The following DMTF1 variants were observed in gnomAD, a reference collection of about 807,000 sequenced individuals.
DMTF1 encodes cyclin-D-binding Myb-like transcription factor 1.
In DMTF1, 39 loss-of-function variants were observed where a neutral mutation model predicts 91.1. The observed-to-expected ratio is 0.43, with a 90% CI of 0.33 to 0.56. DMTF1 has a LOEUF of 0.56. Among genes scored for constraint, DMTF1 ranks in the 20% least tolerant of loss-of-function variants. The pLI is 0.05. For missense variants in DMTF1, 750 were observed against 914.5 expected (o/e 0.82, Z 2.32); for synonymous variants, 338 against 309.5 (o/e 1.09, Z -0.97).
chr7:87,171,133 C>T (rs1050894147), intron 5 of DMTF1, 44 bp downstream of exon 5: 11 of 1,303,682 alleles, frequency 8.4e-6, no homozygotes, highest in Non-Finnish European at 9.8e-6. Flanking sequence ...TGATCCTTTA[C>T]ACATTGCTTA....
chr7:87,194,840 TAATA>T lies in DMTF1; in HGVS notation c.2173+13_2173+16del. The T allele has an allele frequency of 6.3e-7, 1 of 1,593,730 alleles. No individual in the cohort carries two copies. Among genetic ancestry groups the T allele is most frequent in the Non-Finnish European group, 8.5e-7 (1 of 1,170,612 alleles). On this transcript the variant is annotated intron_variant, in intron 17 of 17. Coordinates refer to ENST00000331242, the MANE Select transcript of DMTF1 (RefSeq NM_001142327.2). Reference sequence around the variant, plus strand: ...GACAACACTAACAGGTACTGTAATATAATACTTACTATGTGCCTGATAAATTTTA... The same window carrying T: ...GACAACACTAACAGGTACTGTAATATCTTACTATGTGCCTGATAAATTTTA...
intron 1 of DMTF1, among the ~76,000 whole-genome samples, chr7:87,158,349 G>GA (rs1791337488): frequency 6.6e-6 from 1 of 151,908 alleles, no homozygotes; most frequent in African/African-American, 2.4e-5. Context: ...CAGCTTGTCT[G>GA]AAAAAATGCT....
intron 3 of DMTF1, 134 bp from the exon 4 acceptor site, chr7:87,166,349 C>T: frequency 1.2e-6 from 1 of 814,216 alleles, no homozygotes; most frequent in East Asian, 2.7e-5. Context: ...CCTGTTTGCA[C>T]AACTAGGTTT....
intron 10 of DMTF1, among the ~76,000 whole-genome samples, chr7:87,184,003 A>G (rs1053676021): frequency 6.6e-6 from 1 of 152,156 alleles, no homozygotes; most frequent in Non-Finnish European, 1.5e-5. Context: ...TTACTTTTGC[A>G]GAGCAGGGAA....
chr7:87,172,287 A>G (rs1795248221), intron 5 of DMTF1, among the ~76,000 whole-genome samples: 1 of 152,214 alleles, frequency 6.6e-6, no homozygotes, highest in Non-Finnish European at 1.5e-5. Context: ...AAAAAATCAA[A>G]AAGTATGACA....
At chr7:87,159,065 G>A (rs1010217949) in intron 1 of DMTF1, among the ~76,000 whole-genome samples, 1 of 152,124 alleles carries the variant, frequency 6.6e-6, no homozygotes, top group East Asian at 1.9e-4. Context: ...TACAGATGGT[G>A]GTTGAAATCC....
chr7:87,193,902 GAC>G lies in DMTF1; in HGVS notation c.1831_1832del (p.Thr611PhefsTer4). ...TGAGCCTCCAGACGCCCTAGAAGCA[GAC>G]ACTTTCCCAGATGAAATTCATCACC... is the stretch of plus-strand genomic sequence containing the variant. ...FPEPPDALEA[D>X]TFPDEIHHPK... On this transcript the variant is annotated frameshift_variant, in exon 16 of 18. Coordinates refer to ENST00000331242, the MANE Select transcript of DMTF1 (RefSeq NM_001142327.2). LOFTEE classifies it high-confidence loss of function. The G allele has an allele frequency of 6.2e-7, 1 of 1,613,328 alleles. No homozygotes were observed. Among genetic ancestry groups the G allele is most frequent in the Non-Finnish European group, 8.5e-7 (1 of 1,179,606 alleles).
At chr7:87,162,247 A>AT (rs1453092101) in intron 1 of DMTF1, among the ~76,000 whole-genome samples, 2 of 151,434 alleles carry the variant, frequency 1.3e-5, no homozygotes, top group Admixed American at 6.6e-5. Context: ...CTAATTTTTT[A>AT]TTTTTTTTCT....
intron 17 of DMTF1, 91 bp from the exon 18 acceptor site, chr7:87,194,940 G>A: frequency 7.0e-7 from 1 of 1,432,850 alleles, no homozygotes; most frequent in Non-Finnish European, 9.7e-7. Context: ...TAGTCCTGTT[G>A]AGTTCTACAC....
chr7:87,185,106 C>A, intron 11 of DMTF1: 2 of 246,866 alleles, frequency 8.1e-6, no homozygotes, highest in South Asian at 4.9e-5. Context: ...CCATTTCATA[C>A]AAATTCAAAA....
At chr7:87,193,080 C>T in intron 14 of DMTF1, 118 bp from the exon 15 acceptor site, 1 of 1,038,118 alleles carries the variant, frequency 9.6e-7, no homozygotes, top group Non-Finnish European at 1.4e-6. Context: ...CATTGTATTA[C>T]TTGTTCGCAC....
At chr7:87,177,044 A>G (rs1796403800) in intron 7 of DMTF1, among the ~76,000 whole-genome samples, 1 of 152,162 alleles carries the variant, frequency 6.6e-6, no homozygotes, top group South Asian at 2.1e-4. Context: ...CAAAATTGGA[A>G]TTGCATAAGA....
intron 16 of DMTF1, 50 bp downstream of exon 16, chr7:87,194,152 A>C (rs1403450103): frequency 6.6e-7 from 1 of 1,505,308 alleles, no homozygotes; most frequent in African/African-American, 1.4e-5. Context: ...TTGAGCCTCA[A>C]ACCTGCAGTT....
chr7:87,163,440 A>G (rs1793017633), intron 1 of DMTF1, 55 bp from the exon 2 acceptor site: 1 of 152,244 alleles, frequency 6.6e-6, no homozygotes, highest in Admixed American at 6.5e-5. Flanking sequence ...ATACTGCTAT[A>G]CTATTCGTTT....
At chr7:87,179,055 C>T (rs1043190621) in intron 7 of DMTF1, among the ~76,000 whole-genome samples, 1 of 151,810 alleles carries the variant, frequency 6.6e-6, no homozygotes, top group South Asian at 2.1e-4. Flanking sequence ...TGTTAATGGT[C>T]TAATCTCTGC....
chr7:87,166,076 C>T (rs73206937), intron 3 of DMTF1, among the ~76,000 whole-genome samples: 6,931 of 152,214 alleles, frequency 0.046, 188 homozygotes, highest in Middle Eastern at 0.071. Context: ...CCCATAGGCC[C>T]CAGTCATTTC....
chr7:87,154,432 G>A (rs1790144761), intron 1 of DMTF1: 1 of 152,550 alleles, frequency 6.6e-6, no homozygotes, highest in South Asian at 2.1e-4. Context: ...GACTGATTTA[G>A]CACCTGCATA....
chr7:87,184,406 CAGA>C lies in DMTF1; in HGVS notation c.841_843del (p.Glu281del), dbSNP rs764781867. 4 of 1,613,290 alleles carry C rather than the reference CAGA, an allele frequency of 2.5e-6. No individual in the cohort carries two copies. The highest frequency in any genetic ancestry group is 1.1e-5 in the South Asian group (1 of 91,012). ...GATTTCCTTTTTTCAGGGAAGTGGA[CAGA>C]AGAAGAAGAAAAGAGACTTGCAGAA... On this transcript the variant is annotated inframe_deletion, in exon 11 of 18. Coordinates refer to ENST00000331242, the MANE Select transcript of DMTF1 (RefSeq NM_001142327.2).
chr7:87,173,547 G>T lies in DMTF1; in HGVS notation c.340G>T (p.Glu114Ter). 6.2e-7 allele frequency: 1 copy of T among 1,602,588 alleles called. No homozygotes were observed. Among genetic ancestry groups the T allele is most frequent in the South Asian group, 1.1e-5 (1 of 89,430 alleles). Residue 114 changes from glutamate to a stop codon, truncating the protein, a stop_gained, in exon 6 of 18, where the codon GAG (glutamate) becomes TAG (stop). Coordinates refer to ENST00000331242, the MANE Select transcript of DMTF1 (RefSeq NM_001142327.2). LOFTEE classifies it high-confidence loss of function. ...TTACCTTTTCAAGATTTTGCAGAAT[G>T]AGCAACTAGATGAAATATCTCCCTT... ...TVTQIQILQN[E>*]QLDEISPLGN...
Sources: allele counts gnomAD v4.1 joint callset (sites outside exome capture counted in the v4.1 genomes callset), GRCh38; gene constraint gnomAD v4.1.1; transcripts MANE v1.5; gene names NCBI Gene and HGNC (gene_info 2026-07-23, HGNC 2026-07-21).